The following TF variants were observed in gnomAD, a reference collection of about 807,000 sequenced individuals.
The protein encoded by TF is transferrin, also known as serotransferrin.
A neutral mutation model predicts 82.4 loss-of-function variants in TF; 55 were observed. The ratio of observed to expected loss-of-function variants is 0.67; its 90% CI spans 0.54 to 0.84. The LOEUF is 0.84. Ranked by LOEUF, TF falls within the 40% of genes least tolerant of loss-of-function variation. The pLI is 0.00. For missense variants in TF, 737 were observed against 868.4 expected, an observed-to-expected ratio of 0.85 and a Z score of 1.90; for synonymous variants, 332 against 332.6, an observed-to-expected ratio of 1.00 and a Z score of 0.02.
At position 133,775,703 on chromosome 3, in the gene TF, A is replaced by T. The variant is rs573152166; in HGVS notation, c.1872+86A>T. On this transcript the variant is annotated intron_variant, in intron 15 of 16. Coordinates refer to ENST00000402696, the MANE Select transcript of TF (RefSeq NM_001063.4). ...GAGTTTACAACAAAGTGCAGCCATG[A>T]CTCCAGCACTTTCTTTTTGAAAACT... The T allele has an allele frequency of 1.7e-4, 231 of 1,361,916 alleles. 2 individuals are homozygous for T. The South Asian group carries it at 2.6e-3, about 15-fold the overall frequency. 84.4% of individuals were successfully genotyped at this position (1,361,916 alleles called of 1,614,324 possible). A position where few individuals can be genotyped will look rare whatever the true frequency, so the allele number is the denominator to read the frequency against.
At chr3:133,698,438 TAG>T in the TF span, among the ~76,000 whole-genome samples, 1 of 152,188 alleles carries the variant, frequency 6.6e-6, no homozygotes, top group African/African-American at 2.4e-5. Context: ...CTCTGGAGGC[TAG>T]AATTCCAAGA....
At chr3:133,708,627 A>AAT in the TF span, among the ~76,000 whole-genome samples, 1 of 151,714 alleles carries the variant, frequency 6.6e-6, no homozygotes, top group African/African-American at 2.4e-5. Context: ...CCCTTCCACT[A>AAT]ATATATATAT....
rs1272297000 is a variant in TF, at chr3:133,783,744, G to A, written c.*5124G>A. On this transcript the variant is annotated 3_prime_UTR_variant, in exon 17 of 17. Transcript: ENST00000402696. ...GCGGACAGCTCTGCTGGGCCCTCCA[G>A]GCCCTCCGCCCGGTAGAACCCGGAG... 1 of 152,258 alleles carries A rather than the reference G, an allele frequency of 6.6e-6. No homozygotes were observed. The highest frequency in any genetic ancestry group is 2.4e-5 in the African/African-American group (1 of 41,462). The allele number at this position is 152,258 out of a possible 1,614,324, so 9.4% of individuals were successfully genotyped here. A position where few individuals can be genotyped will look rare whatever the true frequency, so the allele number is the denominator to read the frequency against.
At chr3:133,764,130 G>A in intron 9 of TF, 52 bp from the exon 10 acceptor site, 1 of 1,520,350 alleles carries the variant, frequency 6.6e-7, no homozygotes, top group Admixed American at 1.7e-5. Flanking sequence ...AAAAGTGGGT[G>A]GCACAGGAAA....
In TF at chr3:133,784,679, T is replaced by A. The variant is rs922316564; in HGVS notation, c.*6059T>A. The A allele has an allele frequency of 6.6e-6, 1 of 151,982 alleles. No individual in the cohort carries two copies. Among genetic ancestry groups the A allele is most frequent in the Non-Finnish European group, 1.5e-5 (1 of 68,026 alleles). 9.4% of individuals were successfully genotyped at this position (151,982 alleles called of 1,614,324 possible). A position where few individuals can be genotyped will look rare whatever the true frequency, so the allele number is the denominator to read the frequency against. On this transcript the variant is annotated 3_prime_UTR_variant, in exon 17 of 17. Coordinates refer to ENST00000402696, the MANE Select transcript of TF (RefSeq NM_001063.4). ...ATGAGACTCTAATAATGCCTGATGATCTGAGGTGGAACAGTTTCATCCTGA... is the reference window on the plus strand; with the variant it reads ...ATGAGACTCTAATAATGCCTGATGAACTGAGGTGGAACAGTTTCATCCTGA...
At chr3:133,725,689 C>G in the TF span, among the ~76,000 whole-genome samples, 1 of 151,938 alleles carries the variant, frequency 6.6e-6, no homozygotes, top group Admixed American at 6.6e-5. Context: ...ACTTCCAACA[C>G]TATGTTGAAT....
the TF span, among the ~76,000 whole-genome samples, chr3:133,692,128 C>A: frequency 6.6e-6 from 1 of 152,346 alleles, no homozygotes; most frequent in East Asian, 1.9e-4. Flanking sequence ...TGGGGTCTCA[C>A]CCATGGGAGG....
chr3:133,756,417 T>A, intron 6 of TF, 80 bp downstream of exon 6: 1 of 1,432,680 alleles, frequency 7.0e-7, no homozygotes, highest in Non-Finnish European at 9.7e-7. Flanking sequence ...TCATGCTCAG[T>A]AATTGGAAAT....
At chr3:133,734,061 A>G in the TF span, among the ~76,000 whole-genome samples, 17 of 152,190 alleles carry the variant, frequency 1.1e-4, no homozygotes, top group Non-Finnish European at 2.1e-4. Context: ...CAGAGAAGGG[A>G]GCTGCACATA....
At chr3:133,663,843 C>A in the TF span, among the ~76,000 whole-genome samples, 1 of 152,180 alleles carries the variant, frequency 6.6e-6, no homozygotes, top group Non-Finnish European at 1.5e-5. Flanking sequence ...ATAGATGCTG[C>A]TAATGAAGAT....
At chr3:133,770,246 A>G (rs1934226754) in intron 13 of TF, among the ~76,000 whole-genome samples, 1 of 152,206 alleles carries the variant, frequency 6.6e-6, no homozygotes, top group Non-Finnish European at 1.5e-5. Flanking sequence ...ATCCTTGTTG[A>G]TGTCAGGGAA....
chr3:133,699,105 TAA>T, the TF span, among the ~76,000 whole-genome samples: 1 of 152,232 alleles, frequency 6.6e-6, no homozygotes, highest in African/African-American at 2.4e-5. Context: ...TTGTGAGGAT[TAA>T]ATGCAACAGA....
At chr3:133,667,149 C>T in the TF span, among the ~76,000 whole-genome samples, 1 of 151,936 alleles carries the variant, frequency 6.6e-6, no homozygotes, top group Non-Finnish European at 1.5e-5. Flanking sequence ...TCAAGACCAG[C>T]TTGGGCGACA....
At chr3:133,689,462 C>A in the TF span, among the ~76,000 whole-genome samples, 1 of 152,046 alleles carries the variant, frequency 6.6e-6, no homozygotes, top group Non-Finnish European at 1.5e-5. Flanking sequence ...CTTGCATACC[C>A]TCCCAAAGTT....
the TF span, chr3:133,701,006 T>C: frequency 1.3e-5 from 2 of 152,594 alleles, no homozygotes; most frequent in Non-Finnish European, 2.9e-5. Context: ...GATGCCAAGC[T>C]GTACCTGGGA....
At chr3:133,764,097 G>C in intron 9 of TF, 85 bp from the exon 10 acceptor site, 1 of 1,165,166 alleles carries the variant, frequency 8.6e-7, no homozygotes. Context: ...GTGCTGGAAA[G>C]GCTGCTTCAA....
chr3:133,713,992 C>T, the TF span, among the ~76,000 whole-genome samples: 1 of 152,114 alleles, frequency 6.6e-6, no homozygotes, highest in Admixed American at 6.6e-5. Flanking sequence ...ACTGAGGAAC[C>T]AAGGGAGGTG....
chr3:133,669,674 A>T, the TF span, among the ~76,000 whole-genome samples: 6 of 152,054 alleles, frequency 3.9e-5, no homozygotes, highest in East Asian at 1.2e-3. Context: ...AAATGGCAGA[A>T]CCTCTCTCAG....
chr3:133,715,913 T>C, the TF span, among the ~76,000 whole-genome samples: 1 of 152,218 alleles, frequency 6.6e-6, no homozygotes, highest in Admixed American at 6.5e-5. Flanking sequence ...TGCAGGATTT[T>C]TAAGGAATCA....
Sources: gnomAD v4.1 joint callset for allele counts (sites outside exome capture counted in the v4.1 genomes callset) on GRCh38, gnomAD v4.1.1 for gene constraint, MANE v1.5 for transcripts, NCBI Gene and HGNC (gene_info 2026-07-23, HGNC 2026-07-21) for gene names.